Variants in SH2B3 observed in about 807,000 individuals in gnomAD.
SH2B3 encodes SH2B adapter protein 3.
Under a neutral mutation model 51.9 loss-of-function variants are expected in SH2B3, and 43 were observed. The observed-to-expected ratio is 0.83, with a 90% CI of 0.65 to 1.07. The LOEUF (loss-of-function observed/expected upper bound fraction) is 1.07, where lower values mean the gene tolerates loss of function less well. Among genes scored for constraint, SH2B3 ranks in the 50% least tolerant of loss-of-function variants. The pLI is 0.00. For missense variants in SH2B3, 952 were observed against 834.3 expected, an observed-to-expected ratio of 1.14 and a Z score of -1.74; for synonymous variants, 396 against 376.0, an observed-to-expected ratio of 1.05 and a Z score of -0.62.
At chr12:111,441,618 T>A (rs575063404) in intron 2 of SH2B3, among the ~76,000 whole-genome samples, 2 of 152,136 alleles carry the variant, frequency 1.3e-5, no homozygotes, top group East Asian at 3.9e-4. Flanking sequence ...GTTTGCGAGG[T>A]GAGGACCTTC....
At chr12:111,428,165 C>G (rs1173440105) in intron 2 of SH2B3, among the ~76,000 whole-genome samples, 1 of 152,256 alleles carries the variant, frequency 6.6e-6, no homozygotes, top group African/African-American at 2.4e-5. Context: ...GATGCCAACA[C>G]CGAGGCCTGG....
intron 2 of SH2B3, among the ~76,000 whole-genome samples, chr12:111,436,087 A>G (rs1175685415): frequency 6.6e-6 from 1 of 152,106 alleles, no homozygotes; most frequent in Non-Finnish European, 1.5e-5. Context: ...GCCCTGTGCC[A>G]TGTGCTGGTC....
At position 111,447,147 on chromosome 12, in the gene SH2B3, A is replaced by G. The variant is rs749324164; in HGVS notation, c.949A>G (p.Met317Val). 1.2e-6 allele frequency: 2 copies of G among 1,613,926 alleles called. No homozygotes were observed. Among genetic ancestry groups the G allele is most frequent in the Non-Finnish European group, 1.7e-6 (2 of 1,179,844 alleles). ...CAGGCTGGAGAGCACAGAAGCAGAG[A>G]TGCATATTCCCTCAGCCCTAGAGCC... The part of the protein sequence containing the change: ...GRGLESTEAE[M>V]HIPSALEPST... The change falls in exon 5 of 8, where the codon ATG becomes GTG. Residue 317 changes from methionine to valine, a missense_variant. Coordinates refer to ENST00000341259, the MANE Select transcript of SH2B3 (RefSeq NM_005475.3).
Position 111,438,244 on chromosome 12 carries a change from G to C in SH2B3, c.733-8509G>C, listed in dbSNP as rs35064471. 3.4e-3 allele frequency among the ~76,000 whole-genome samples: 521 copies of C among 152,264 alleles called. 2 individuals carry two copies. The highest frequency in any genetic ancestry group is 5.6e-3 in the Non-Finnish European group (382 of 68,002). On this transcript the variant is annotated intron_variant, in intron 2 of 7. Coordinates refer to ENST00000341259, the MANE Select transcript of SH2B3 (RefSeq NM_005475.3). This position sits in a 1 kb window ranked among gnomAD's most constrained non-coding sequence, Gnocchi z 4.2. ...GTGCTGGGGCTGGGGGTGGGCAGAT[G>C]AGGATTGGAGCCCTGGCTCAACTTC...
chr12:111,426,061 C>T (rs749505358), intron 2 of SH2B3, among the ~76,000 whole-genome samples: 3 of 152,146 alleles, frequency 2.0e-5, no homozygotes, highest in South Asian at 2.1e-4. Context: ...GGGATAGCTG[C>T]GTAAAAATGG....
chr12:111,442,825 C>T (rs771386328), intron 2 of SH2B3, among the ~76,000 whole-genome samples: 3 of 152,376 alleles, frequency 2.0e-5, no homozygotes, highest in East Asian at 1.9e-4. Flanking sequence ...TTGCTCTCCA[C>T]GTAGGTGTGG....
chr12:111,408,410 C>T (rs1870411772), intron 1 of SH2B3, among the ~76,000 whole-genome samples: 2 of 151,610 alleles, frequency 1.3e-5, no homozygotes, highest in South Asian at 2.1e-4. Context: ...CCCCCCACCC[C>T]CACCCCCATG....
Position 111,418,606 on chromosome 12 carries a change from TGCCAGCG to T in SH2B3, c.465_471del (p.Ala156ThrfsTer39). On this transcript the variant is annotated frameshift_variant, in exon 2 of 8. Coordinates refer to ENST00000341259, the MANE Select transcript of SH2B3 (RefSeq NM_005475.3). LOFTEE classifies it high-confidence loss of function. This position sits in a 1 kb window ranked among gnomAD's most constrained non-coding sequence, Gnocchi z 6.7. The stretch of plus-strand genomic sequence containing the variant: ...TTCCGCCGCCGCTCGGCCGGGGAGC[TGCCAGCG>T]GCCCACACCGCTGCCGCCCCCGGGA... 6.7e-7 allele frequency: 1 copy of T among 1,490,998 alleles called. No homozygotes were observed. Among genetic ancestry groups the T allele is most frequent in the Non-Finnish European group, 8.9e-7 (1 of 1,128,742 alleles). The allele number at this position is 1,490,998 out of a possible 1,614,324, so 92.4% of individuals were successfully genotyped here. A position where few individuals can be genotyped will look rare whatever the true frequency, so the allele number is the denominator to read the frequency against.
In SH2B3 at chr12:111,435,681, C is replaced by T. The variant is rs1348605561; in HGVS notation, c.733-11072C>T. On this transcript the variant is annotated intron_variant, in intron 2 of 7. Coordinates refer to ENST00000341259, the MANE Select transcript of SH2B3 (RefSeq NM_005475.3). The surrounding 1 kb of genome is among the most constrained non-coding windows in gnomAD (Gnocchi z 4.8). Reference sequence around the variant, plus strand: ...TGCAGGGAGCCAGGCTTGCCCCCTCCCTGCCAAGGGAGCTGCTTGCTCTCC... The same window carrying T: ...TGCAGGGAGCCAGGCTTGCCCCCTCTCTGCCAAGGGAGCTGCTTGCTCTCC... 6.6e-6 allele frequency among the ~76,000 whole-genome samples: 1 copy of T among 152,198 alleles called. No homozygotes were observed. Among genetic ancestry groups the T allele is most frequent in the Non-Finnish European group, 1.5e-5 (1 of 68,032 alleles).
chr12:111,415,181 A>G (rs577097815), intron 1 of SH2B3, among the ~76,000 whole-genome samples: 2 of 152,354 alleles, frequency 1.3e-5, no homozygotes, highest in South Asian at 4.1e-4. Flanking sequence ...GGAGGGAGTC[A>G]CTGGAGTGGC....
intron 2 of SH2B3, among the ~76,000 whole-genome samples, chr12:111,424,777 C>G (rs1363348195): frequency 6.6e-6 from 1 of 152,194 alleles, no homozygotes; most frequent in East Asian, 1.9e-4. Context: ...ACAACTCTTG[C>G]ATGTGCTTGC....
chr12:111,433,851 C>T lies in SH2B3; in HGVS notation c.733-12902C>T, dbSNP rs140119119. 4.1e-4 allele frequency among the ~76,000 whole-genome samples: 62 copies of T among 152,284 alleles called. No individual in the cohort carries two copies. In the East Asian group the frequency reaches 0.011, roughly 27 times the overall value. The stretch of plus-strand genomic sequence containing the variant: ...CTGGTCTCGAACACCTGGATTCAAG[C>T]AGTCCTCTCACCTCAGCCTCCCAAA... On this transcript the variant is annotated intron_variant, in intron 2 of 7. Coordinates refer to ENST00000341259, the MANE Select transcript of SH2B3 (RefSeq NM_005475.3).
chr12:111,418,577 C>T lies in SH2B3; in HGVS notation c.432C>T (p.His144=). 1 of 1,484,738 alleles carries T rather than the reference C, an allele frequency of 6.7e-7. No individual in the cohort carries two copies. The highest frequency in any genetic ancestry group is 8.9e-7 in the Non-Finnish European group (1 of 1,124,364). 92.0% of individuals were successfully genotyped at this position (1,484,738 alleles called of 1,614,324 possible). Reference sequence around the variant, plus strand: ...AGCACTTTCGCCGCAGCCTCCGCCACATCTTCCGCCGCCGCTCGGCCGGGG... The same window carrying T: ...AGCACTTTCGCCGCAGCCTCCGCCATATCTTCCGCCGCCGCTCGGCCGGGG... ...SFQHFRRSLR[H]IFRRRSAGEL... Residue 144 remains histidine (H), a synonymous_variant, in exon 2 of 8, where the codon CAC becomes CAT. Coordinates refer to ENST00000341259, the MANE Select transcript of SH2B3 (RefSeq NM_005475.3). The surrounding 1 kb of genome is among the most constrained non-coding windows in gnomAD (Gnocchi z 6.7).
intron 1 of SH2B3, among the ~76,000 whole-genome samples, chr12:111,414,348 T>G (rs1870922388): frequency 6.6e-6 from 1 of 152,062 alleles, no homozygotes; most frequent in Non-Finnish European, 1.5e-5. Context: ...TCCCAGCACT[T>G]TGGGAGGCCA....
At chr12:111,428,545 G>C (rs1301906278) in intron 2 of SH2B3, among the ~76,000 whole-genome samples, 2 of 152,176 alleles carry the variant, frequency 1.3e-5, no homozygotes, top group Admixed American at 6.5e-5. Flanking sequence ...GGGCAGCCTC[G>C]GGCCCACCCT....
Position 111,448,414 on chromosome 12 carries a change from CTG to C in SH2B3, c.*114_*115del. On this transcript the variant is annotated 3_prime_UTR_variant, in exon 8 of 8. Coordinates refer to ENST00000341259, the MANE Select transcript of SH2B3 (RefSeq NM_005475.3). ...CTTCCAGAGAAAGATTTAAGGGACA[CTG>C]TTAACTGCTCGTGCCAGTTTGGAAG... 1.2e-6 allele frequency: 1 copy of C among 844,434 alleles called. No individual in the cohort carries two copies. The highest frequency in any genetic ancestry group is 1.8e-6 in the Non-Finnish European group (1 of 547,322). 52.3% of individuals were successfully genotyped at this position (844,434 alleles called of 1,614,324 possible).
chr12:111,405,992 G>C lies in SH2B3; in HGVS notation c.-313G>C, dbSNP rs1870210259. 1.3e-5 allele frequency: 2 copies of C among 151,670 alleles called. No homozygotes were observed. The highest frequency in any genetic ancestry group is 4.8e-5 in the African/African-American group (2 of 41,370). The allele number at this position is 151,670 out of a possible 1,614,324, so 9.4% of individuals were successfully genotyped here. A position where few individuals can be genotyped will look rare whatever the true frequency, so the allele number is the denominator to read the frequency against. On this transcript the variant is annotated 5_prime_UTR_variant, in exon 1 of 8. Coordinates refer to ENST00000341259, the MANE Select transcript of SH2B3 (RefSeq NM_005475.3). This position sits in a 1 kb window ranked among gnomAD's most constrained non-coding sequence, Gnocchi z 5.4. Reference sequence around the variant, plus strand: ...CCGGCTGCCCGCCCGGACTGTCGCGGCCCGCGGTGGCGACGGCGGCCGCTG... The same window carrying C: ...CCGGCTGCCCGCCCGGACTGTCGCGCCCCGCGGTGGCGACGGCGGCCGCTG...
Position 111,410,826 on chromosome 12 carries a change from T to C in SH2B3, c.-28+4549T>C, listed in dbSNP as rs1199162852. 6.6e-6 allele frequency among the ~76,000 whole-genome samples: 1 copy of C among 152,308 alleles called. No individual in the cohort carries two copies. The highest frequency in any genetic ancestry group is 3.4e-3 in the Middle Eastern group (1 of 294). On this transcript the variant is annotated intron_variant, in intron 1 of 7. Coordinates refer to ENST00000341259, the MANE Select transcript of SH2B3 (RefSeq NM_005475.3). The surrounding 1 kb of genome is among the most constrained non-coding windows in gnomAD (Gnocchi z 4.9). ...GGGCAGCAGGCCGCCTGCCAGGCAG[T>C]GTGTGTCAGAATCCCACAACTCTCT...
chr12:111,447,412 C>T lies in SH2B3; in HGVS notation c.1104C>T (p.Pro368=). 1 of 1,614,074 alleles carries T rather than the reference C, an allele frequency of 6.2e-7. No individual in the cohort carries two copies. Among genetic ancestry groups the T allele is most frequent in the South Asian group, 1.1e-5 (1 of 91,080 alleles). ...CCTGCTACCCCTGGTTCCACGGCCC[C>T]ATCTCCAGAGTGAAAGCAGCTCAGC... ...FLSCYPWFHG[P]ISRVKAAQLV... The change falls in exon 6 of 8, where the codon CCC becomes CCT. Residue 368 remains proline (P), a synonymous_variant. Coordinates refer to ENST00000341259, the MANE Select transcript of SH2B3 (RefSeq NM_005475.3).
Sources: allele counts gnomAD v4.1 joint callset (sites outside exome capture counted in the v4.1 genomes callset), GRCh38; gene constraint gnomAD v4.1.1; non-coding constraint Gnocchi (gnomAD v3.1); transcripts MANE v1.5; gene names NCBI Gene and HGNC (gene_info 2026-07-23, HGNC 2026-07-21).